Variants in PHIP observed in about 807,000 individuals in gnomAD.
PHIP encodes the protein PHIP subunit of CUL4-Ring ligase complex.
A neutral mutation model predicts 236.8 loss-of-function variants in PHIP; 54 were observed. The observed-to-expected ratio is 0.23, with a 90% CI of 0.18 to 0.29. The LOEUF (loss-of-function observed/expected upper bound fraction) is 0.29. PHIP is among the 10% of genes least tolerant of loss of function. PHIP has a pLI of 1.00. For missense variants in PHIP, 1,370 were observed against 2,190.8 expected (o/e 0.63, Z 7.48); for synonymous variants, 756 against 718.9 (o/e 1.05, Z -0.83).
intron 20 of PHIP, 102 bp downstream of exon 20, chr6:78,990,766 A>ATGT: frequency 1.7e-6 from 1 of 580,074 alleles, no homozygotes; most frequent in Admixed American, 3.1e-5. Context: ...AATTTTTATC[A>ATGT]TTAACCTGTT....
Position 79,002,275 on chromosome 6 carries a change from T to C in PHIP, c.1654-151A>G, listed in dbSNP as rs1582203629. 21 of 590,166 alleles carry C rather than the reference T, an allele frequency of 3.6e-5. No homozygotes were observed. The East Asian group carries it at 5.9e-4, about 16-fold the overall frequency. 36.6% of individuals were successfully genotyped at this position (590,166 alleles called of 1,614,324 possible). A position where few individuals can be genotyped will look rare whatever the true frequency, so the allele number is the denominator to read the frequency against. ...TTAAAATATTATTTTCCTGAATTAA[T>C]TGTAAATAGGTATTTTAATTTTCTA... On this transcript the variant is annotated intron_variant, in intron 16 of 39. Coordinates refer to ENST00000275034, the MANE Select transcript of PHIP (RefSeq NM_017934.7).
rs898201821 is a variant in PHIP at position 79,017,291 on chromosome 6, A to T, written c.1136+55T>A. The T allele has an allele frequency of 8.5e-6, 9 of 1,063,952 alleles. No homozygotes were observed. In the African/African-American group the frequency reaches 1.5e-4, roughly 17 times the overall value. The allele number at this position is 1,063,952 out of a possible 1,614,324, so 65.9% of individuals were successfully genotyped here. ...GCTTCAAATAAAATCTGATGACTAA[A>T]ATTGTCTTTATTTCATAATTTTAAA... On this transcript the variant is annotated intron_variant, in intron 12 of 39. Coordinates refer to ENST00000275034, the MANE Select transcript of PHIP (RefSeq NM_017934.7).
chr6:79,026,699 C>G (rs1771418597), intron 7 of PHIP, among the ~76,000 whole-genome samples: 1 of 151,868 alleles, frequency 6.6e-6, no homozygotes. Flanking sequence ...TACATAATTA[C>G]TTGTTTACTC....
At position 78,970,088 on chromosome 6, in the gene PHIP, G is replaced by C; in HGVS notation, c.3083C>G (p.Pro1028Arg). ...LCCLKLAFLD[P>R]DTGKLTGGSF... ...TCCGCCAGTCAGTTTACCAGTATCA[G>C]GATCTAGAAAAGCAAGTTTAAGGCA... The change falls in exon 26 of 40, where the codon CCT (proline) becomes CGT (arginine). Residue 1028 changes from proline (P) to arginine (R), a missense_variant. Pro to Arg is a moderately radical substitution (Grantham distance 103, BLOSUM62 -2). Transcript: ENST00000275034. The C allele has an allele frequency of 1.2e-6, 2 of 1,613,576 alleles. No homozygotes were observed. The highest frequency in any genetic ancestry group is 1.7e-6 in the Non-Finnish European group (2 of 1,179,672).
chr6:78,983,462 A>C (rs1410454833), intron 22 of PHIP, among the ~76,000 whole-genome samples: 1 of 152,158 alleles, frequency 6.6e-6, no homozygotes, highest in Non-Finnish European at 1.5e-5. Context: ...AGAGGGGGTC[A>C]CTTTTCTCAG....
intron 16 of PHIP, 97 bp downstream of exon 16, chr6:79,003,633 T>C (rs773759319): frequency 2.5e-6 from 2 of 786,382 alleles, no homozygotes; most frequent in Non-Finnish European, 3.8e-6. Context: ...TTATCCTGAA[T>C]GTAAAGATGC....
Position 78,970,075 on chromosome 6 carries a change from T to C in PHIP, c.3096A>G (p.Lys1032=). 6.2e-7 allele frequency: 1 copy of C among 1,613,596 alleles called. No homozygotes were observed. Residue 1032 remains lysine, a synonymous_variant, in exon 26 of 40, where the codon AAA becomes AAG. Transcript: ENST00000275034. ...KLAFLDPDTG[K]LTGGSFTMKY... Reference sequence around the variant, plus strand: ...TCATGGTAAATGATCCGCCAGTCAGTTTACCAGTATCAGGATCTAGAAAAG... The same window carrying C: ...TCATGGTAAATGATCCGCCAGTCAGCTTACCAGTATCAGGATCTAGAAAAG...
rs1475678433 is a variant in PHIP at position 78,945,319 on chromosome 6, T to C, written c.4809A>G (p.Ser1603=). 1.9e-6 allele frequency: 3 copies of C among 1,611,920 alleles called. No homozygotes were observed. Among genetic ancestry groups the C allele is most frequent in the Non-Finnish European group, 2.5e-6 (3 of 1,177,984 alleles). ...CCTTACCTTGCTCAATGACAGCTGA[T>C]GACTTTGAAAGAGTGGACGCCTTTG... The part of the protein sequence containing the change: ...VLPKASTLSK[S]SAVIEQGDCK... Residue 1603 remains serine (S), a synonymous_variant, in exon 39 of 40, where the codon TCA becomes TCG. Coordinates refer to ENST00000275034, the MANE Select transcript of PHIP (RefSeq NM_017934.7).
chr6:78,945,082 CTT>C lies in PHIP; in HGVS notation c.4828+216_4828+217del, dbSNP rs879391783. Reference sequence around the variant, plus strand: ...TAATTTAAACTTTGAAGATTTATTTCTTTTTTTTTTTTTTCTTTTGAGACAGG... The same window carrying C: ...TAATTTAAACTTTGAAGATTTATTTCTTTTTTTTTTTTCTTTTGAGACAGG... On this transcript the variant is annotated intron_variant, in intron 39 of 39. Coordinates refer to ENST00000275034, the MANE Select transcript of PHIP (RefSeq NM_017934.7). Among the ~76,000 whole-genome samples, 477 of 141,798 alleles carry C rather than the reference CTT, an allele frequency of 3.4e-3. 3 individuals are homozygous for C. The highest frequency in any genetic ancestry group is 0.011 in the African/African-American group (446 of 39,020). 93.0% of individuals were successfully genotyped at this position (141,798 alleles called of 152,430 possible).
At chr6:78,955,559 A>T (rs1766362439) in intron 33 of PHIP, 54 bp downstream of exon 33, 1 of 650,400 alleles carries the variant, frequency 1.5e-6, no homozygotes. Context: ...ACAATATGTA[A>T]ATTTTTTTAT....
chr6:78,972,018 A>G (rs1198870784), intron 24 of PHIP, among the ~76,000 whole-genome samples: 2 of 152,106 alleles, frequency 1.3e-5, no homozygotes, highest in Non-Finnish European at 2.9e-5. Context: ...AACTGGGTGG[A>G]GCCCACCACA....
intron 24 of PHIP, among the ~76,000 whole-genome samples, chr6:78,971,678 G>T (rs564827661): frequency 6.6e-6 from 1 of 152,276 alleles, no homozygotes; most frequent in South Asian, 2.1e-4. Context: ...CGCGCACCGT[G>T]TGCGAGCCGA....
rs369962833 is a variant in PHIP, at chr6:78,983,125, G to C, written c.2538-8C>G. ...TAATCACTGGAGTAGTCACTAGAAG[G>C]AGAGAAGGGATTATTAGATAACACA... On this transcript the variant is annotated splice_polypyrimidine_tract_variant and splice_region_variant and intron_variant, in intron 22 of 39. Transcript: ENST00000275034. 2.0e-4 allele frequency: 284 copies of C among 1,438,846 alleles called. No homozygotes were observed. The highest frequency in any genetic ancestry group is 2.6e-4 in the Non-Finnish European group (275 of 1,048,306). 89.1% of individuals were successfully genotyped at this position (1,438,846 alleles called of 1,614,324 possible). A position where few individuals can be genotyped will look rare whatever the true frequency, so the allele number is the denominator to read the frequency against.
At position 79,016,536 on chromosome 6, in the gene PHIP, C is replaced by A. The variant is rs766498845; in HGVS notation, c.1235+8G>T. ...TATATACATAATATTTCAAATTTGA[C>A]CTCTTACCCTGCTGGACGAGTAGCC... On this transcript the variant is annotated splice_region_variant and intron_variant, in intron 13 of 39. Coordinates refer to ENST00000275034, the MANE Select transcript of PHIP (RefSeq NM_017934.7). 4 of 1,571,028 alleles carry A rather than the reference C, an allele frequency of 2.5e-6. No homozygotes were observed. The African/African-American group carries it at 5.4e-5, about 21-fold the overall frequency.
At position 78,958,485 on chromosome 6, in the gene PHIP, G is replaced by A. The variant is rs1224394414; in HGVS notation, c.3772C>T (p.His1258Tyr). The A allele has an allele frequency of 2.6e-6, 4 of 1,520,750 alleles. No individual in the cohort carries two copies. Among genetic ancestry groups the A allele is most frequent in the Non-Finnish European group, 2.7e-6 (3 of 1,097,978 alleles). 94.2% of individuals were successfully genotyped at this position (1,520,750 alleles called of 1,614,324 possible). A position where few individuals can be genotyped will look rare whatever the true frequency, so the allele number is the denominator to read the frequency against. ...SAKFVTDLLL[H>Y]FIKDQTCYNI... Reference sequence around the variant, plus strand: ...GAAAAGATAACTTACTTTATAAAATGTAGAAGAAGATCAGTCACGAATTTA... The same window carrying A: ...GAAAAGATAACTTACTTTATAAAATATAGAAGAAGATCAGTCACGAATTTA... The change falls in exon 32 of 40, where the codon CAT becomes TAT. Residue 1258 changes from histidine to tyrosine, a missense_variant. Physicochemically the swap from His to Tyr is moderately conservative, Grantham distance 83. This residue lies in a region of PHIP where 38 missense variants were observed against 27.6 expected (regional missense o/e 1.38). Transcript: ENST00000275034.
chr6:78,989,095 A>G (rs1769052316), intron 20 of PHIP, among the ~76,000 whole-genome samples: 1 of 46,568 alleles, frequency 2.1e-5, no homozygotes, highest in South Asian at 1.5e-3. Context: ...TAAAAAACAC[A>G]AAAAACTTAA....
intron 4 of PHIP, among the ~76,000 whole-genome samples, chr6:79,071,620 AG>A (rs1334590770): frequency 6.6e-6 from 1 of 152,222 alleles, no homozygotes; most frequent in African/African-American, 2.4e-5. Context: ...GCATTAAAAT[AG>A]GAAGTTATTT....
chr6:78,959,498 A>G (rs532040708), intron 31 of PHIP, among the ~76,000 whole-genome samples: 3 of 151,008 alleles, frequency 2.0e-5, no homozygotes, highest in Admixed American at 6.6e-5. Context: ...TAATAGTTTA[A>G]CAAGAGATTG....
rs191183687 is a variant in PHIP at position 79,005,308 on chromosome 6, A to G, written c.1525-1450T>C. The stretch of plus-strand genomic sequence containing the variant: ...CTTTAAAACAATTCAAAAACAAGAA[A>G]GAATATAACTATTTCTCCAGATTAC... On this transcript the variant is annotated intron_variant, in intron 15 of 39. Transcript: ENST00000275034. 3.0e-3 allele frequency among the ~76,000 whole-genome samples: 449 copies of G among 152,144 alleles called. 2 individuals are homozygous for G. Among genetic ancestry groups the G allele is most frequent in the Admixed American group, 5.1e-3 (78 of 15,288 alleles).
Sources: allele counts gnomAD v4.1 joint callset (sites outside exome capture counted in the v4.1 genomes callset), GRCh38; gene constraint gnomAD v4.1.1; regional missense constraint gnomAD v4.1.1; transcripts MANE v1.5; gene names NCBI Gene and HGNC (gene_info 2026-07-23, HGNC 2026-07-21).